DOCK10: variants seen among roughly 807,000 people sequenced by gnomAD.
DOCK10 encodes dedicator of cytokinesis 10.
Under a neutral mutation model 280.1 loss-of-function variants are expected in DOCK10, and 145 were observed. The ratio of observed to expected loss-of-function variants is 0.52; its 90% confidence interval spans 0.45 to 0.59. The LOEUF (loss-of-function observed/expected upper bound fraction) is 0.59, where lower values mean the gene tolerates loss of function less well. Ranked by LOEUF, DOCK10 falls within the 20% of genes least tolerant of loss-of-function variation. DOCK10 has a pLI of 0.00. For synonymous variants in DOCK10, 915 were observed against 942.2 expected (o/e 0.97, Z 0.53); for missense variants, 2,368 against 2,651.7 (o/e 0.89, Z 2.35).
Position 225,024,053 on chromosome 2 carries a change from C to T in DOCK10, c.123+18199G>A, listed in dbSNP as rs542770625. On this transcript the variant is annotated intron_variant, in intron 1 of 55. Transcript: ENST00000258390. Reference sequence around the variant, plus strand: ...TTCTGTGACATTCCCACCAAAAATACGACAGCTTAAATCCAACCATGAGGA... The same window carrying T: ...TTCTGTGACATTCCCACCAAAAATATGACAGCTTAAATCCAACCATGAGGA... Among the ~76,000 whole-genome samples, 31 of 152,322 alleles carry T rather than the reference C, an allele frequency of 2.0e-4. 2 individuals carry two copies. In the South Asian group the frequency reaches 5.0e-3, roughly 24 times the overall value.
intron 1 of DOCK10, among the ~76,000 whole-genome samples, chr2:225,026,823 A>G (rs1689933316): frequency 1.3e-5 from 2 of 152,188 alleles, no homozygotes; most frequent in Admixed American, 1.3e-4. Flanking sequence ...TAACATTAAA[A>G]GCCCATTTTT....
intron 2 of DOCK10, among the ~76,000 whole-genome samples, chr2:224,921,106 A>ATATATATATATAT (rs1553613917): frequency 8.6e-5 from 5 of 57,818 alleles, no homozygotes; most frequent in Admixed American, 3.5e-4. Context: ...AAAAAAAAAA[A>ATATATATATATAT]AAAAAAATAT....
intron 22 of DOCK10, among the ~76,000 whole-genome samples, 194 bp downstream of exon 22, chr2:224,844,559 T>C (rs950645872): frequency 6.6e-6 from 1 of 152,232 alleles, no homozygotes; most frequent in Non-Finnish European, 1.5e-5. Flanking sequence ...GTGTCTGGGC[T>C]TAAGGGATTA....
intron 28 of DOCK10, among the ~76,000 whole-genome samples, chr2:224,821,925 C>T (rs1457496854): frequency 2.6e-5 from 4 of 151,770 alleles, no homozygotes; most frequent in Admixed American, 2.0e-4. Context: ...AAATCAGAGA[C>T]AAAACCTTGA....
Position 224,814,361 on chromosome 2 carries a change from G to A in DOCK10, c.3368C>T (p.Pro1123Leu), listed in dbSNP as rs1160039873. ...LPIRSANIPDPLTPSESTQEL... is the reference protein window; with the variant it reads ...LPIRSANIPDLLTPSESTQEL... Reference sequence around the variant, plus strand: ...TTGAGTCGATTCTGAAGGTGTCAAAGGATCTGAATTTAATATAAATAAAAA... The same window carrying A: ...TTGAGTCGATTCTGAAGGTGTCAAAAGATCTGAATTTAATATAAATAAAAA... The change falls in exon 31 of 56, where the codon CCT becomes CTT. Residue 1123 changes from proline (P) to leucine (L), a missense_variant. Physicochemically the swap from Pro to Leu is moderately conservative, Grantham distance 98. Around this residue, in one of 2 missense-constraint regions of DOCK10, gnomAD observed 1,159 missense variants for 1,400.8 expected, o/e 0.83. Transcript: ENST00000258390. 6.6e-7 allele frequency: 1 copy of A among 1,523,846 alleles called. No homozygotes were observed. Among genetic ancestry groups the A allele is most frequent in the Middle Eastern group, 2.2e-4 (1 of 4,548 alleles). 94.4% of individuals were successfully genotyped at this position (1,523,846 alleles called of 1,614,324 possible). A position where few individuals can be genotyped will look rare whatever the true frequency, so the allele number is the denominator to read the frequency against.
Position 225,042,169 on chromosome 2 carries a change from G to T in DOCK10, c.123+83C>A. On this transcript the variant is annotated intron_variant, in intron 1 of 55. Coordinates refer to ENST00000258390, the MANE Select transcript of DOCK10 (RefSeq NM_014689.3). This position sits in a 1 kb window ranked among gnomAD's most constrained non-coding sequence, Gnocchi z 5.1. ...CCGTGAGCTGCGGGGACCTGGGCCC[G>T]CCGAGCTTTTGGGGAAGCTGGGCTC... 1 of 1,207,492 alleles carries T rather than the reference G, an allele frequency of 8.3e-7. No individual in the cohort carries two copies. The allele number at this position is 1,207,492 out of a possible 1,614,324, so 74.8% of individuals were successfully genotyped here. A position where few individuals can be genotyped will look rare whatever the true frequency, so the allele number is the denominator to read the frequency against.
At chr2:225,021,168 T>A (rs1253557726) in intron 1 of DOCK10, among the ~76,000 whole-genome samples, 1 of 152,190 alleles carries the variant, frequency 6.6e-6, no homozygotes, top group African/African-American at 2.4e-5. Flanking sequence ...TATAATAAAT[T>A]GAGCCCATGT....
At chr2:224,921,106 A>ATATATATATAT (rs1553613917) in intron 2 of DOCK10, among the ~76,000 whole-genome samples, 3 of 57,816 alleles carry the variant, frequency 5.2e-5, no homozygotes, top group African/African-American at 2.9e-4. Context: ...AAAAAAAAAA[A>ATATATATATAT]AAAAAAATAT....
chr2:224,912,440 C>T (rs995883928), intron 3 of DOCK10, among the ~76,000 whole-genome samples: 1 of 152,086 alleles, frequency 6.6e-6, no homozygotes, highest in African/African-American at 2.4e-5. Flanking sequence ...CAGCTGCCCC[C>T]ATCTCTACTA....
intron 11 of DOCK10, among the ~76,000 whole-genome samples, chr2:224,866,016 G>A (rs1697890839): frequency 6.6e-6 from 1 of 152,102 alleles, no homozygotes; most frequent in African/African-American, 2.4e-5. Context: ...CCCGAAATGA[G>A]GACACTTACC....
At chr2:224,849,475 A>T in intron 19 of DOCK10, 32 bp downstream of exon 19, 1 of 1,506,592 alleles carries the variant, frequency 6.6e-7, no homozygotes, top group Non-Finnish European at 9.2e-7. Flanking sequence ...TTTCTTAGGA[A>T]CCGCTGGGGG....
In DOCK10 at chr2:224,778,277, A is replaced by G. The variant is rs1330091549; in HGVS notation, c.5663T>C (p.Phe1888Ser). 7 of 1,601,880 alleles carry G rather than the reference A, an allele frequency of 4.4e-6. No homozygotes were observed. Among genetic ancestry groups the G allele is most frequent in the Non-Finnish European group, 6.0e-6 (7 of 1,173,312 alleles). Reference protein sequence around the residue: ...YRVAFYGQGFFEEEEGKEYIY... With the variant: ...YRVAFYGQGFSEEEEGKEYIY... ...ATACTCTTTACCTTCTTCTTCTTCA[A>G]AAAAGCCCTATGGAACATAATGAAC... is the stretch of plus-strand genomic sequence containing the variant. The change falls in exon 51 of 56, where the codon TTT (phenylalanine) becomes TCT (serine). Residue 1888 changes from phenylalanine to serine, a missense_variant. By Grantham distance (155) the Phe-to-Ser change is radical (BLOSUM62 -2). Around this residue, in one of 2 missense-constraint regions of DOCK10, gnomAD observed 1,159 missense variants for 1,400.8 expected, o/e 0.83. Transcript: ENST00000258390.
chr2:224,858,850 G>A (rs1380313053), intron 14 of DOCK10, among the ~76,000 whole-genome samples: 4 of 152,108 alleles, frequency 2.6e-5, no homozygotes, highest in African/African-American at 2.4e-5. Flanking sequence ...CCAGCCATTC[G>A]AAAACCCTTT....
chr2:224,925,956 C>T (rs775294734), intron 2 of DOCK10, among the ~76,000 whole-genome samples: 1 of 152,138 alleles, frequency 6.6e-6, no homozygotes, highest in Non-Finnish European at 1.5e-5. Context: ...TGCCACTTTA[C>T]TGAGTCACAC....
At chr2:224,791,213 C>T (rs143843297) in intron 47 of DOCK10, among the ~76,000 whole-genome samples, 3 of 152,166 alleles carry the variant, frequency 2.0e-5, no homozygotes, top group African/African-American at 7.2e-5. Context: ...CTTTATGGAA[C>T]GTTACGGCAT....
chr2:224,778,404 G>A, intron 50 of DOCK10, 120 bp from the exon 51 acceptor site: 1 of 914,974 alleles, frequency 1.1e-6, no homozygotes, highest in East Asian at 2.6e-5. Context: ...TAATCCATTG[G>A]TTAACACCCT....
Position 224,895,654 on chromosome 2 carries a change from G to A in DOCK10, c.416+641C>T, listed in dbSNP as rs1252041344. 3.9e-5 allele frequency among the ~76,000 whole-genome samples: 6 copies of A among 152,230 alleles called. No individual in the cohort carries two copies. The South Asian group carries it at 1.0e-3, about 26-fold the overall frequency. On this transcript the variant is annotated intron_variant, in intron 4 of 55. Coordinates refer to ENST00000258390, the MANE Select transcript of DOCK10 (RefSeq NM_014689.3). ...CCCTTTGGGGATTTTTACTTTAGAA[G>A]GGGAAACAGACACTGAATTAATTTC...
intron 1 of DOCK10, among the ~76,000 whole-genome samples, chr2:224,967,357 G>A (rs1271808039): frequency 2.0e-5 from 3 of 152,100 alleles, no homozygotes; most frequent in Non-Finnish European, 4.4e-5. Context: ...TGGGATTACA[G>A]GCGTGAGCCA....
At chr2:224,920,523 A>G (rs1356917173) in intron 2 of DOCK10, among the ~76,000 whole-genome samples, 1 of 151,968 alleles carries the variant, frequency 6.6e-6, no homozygotes, top group Non-Finnish European at 1.5e-5. Context: ...AGCTTTGGGG[A>G]TTACTGCTGA....
Sources: gnomAD v4.1 joint callset for allele counts (sites outside exome capture counted in the v4.1 genomes callset) on GRCh38, gnomAD v4.1.1 for gene constraint, gnomAD v4.1.1 regional missense constraint, Gnocchi (gnomAD v3.1) non-coding constraint, MANE v1.5 for transcripts, NCBI Gene and HGNC (gene_info 2026-07-23, HGNC 2026-07-21) for gene names.